The following ZNF362 variants were observed in gnomAD, a reference collection of about 807,000 sequenced individuals.
ZNF362 encodes the protein zinc finger protein 362, also known as rotund homolog.
Under a neutral mutation model 42.9 loss-of-function variants are expected in ZNF362, and 11 were observed. The observed-to-expected ratio is 0.26, with a 90% CI of 0.16 to 0.42. ZNF362 has a LOEUF of 0.42. Ranked by LOEUF, ZNF362 falls within the 20% of genes least tolerant of loss-of-function variation. The probability of loss-of-function intolerance (pLI) is 1.00; values close to 1 mark genes in which losing one functional copy is unlikely to be tolerated. For synonymous variants in ZNF362, 255 were observed against 257.3 expected (o/e 0.99, Z 0.09); for missense variants, 362 against 576.2 (o/e 0.63, Z 3.81).
At chr1:33,174,489 C>T in the ZNF362 span, among the ~76,000 whole-genome samples, 1 of 152,148 alleles carries the variant, frequency 6.6e-6, no homozygotes, top group South Asian at 2.1e-4. Context: ...CAGCTAGGCA[C>T]AGTTTCTGAG....
At chr1:33,234,271 A>T in the ZNF362 span, among the ~76,000 whole-genome samples, 1 of 152,190 alleles carries the variant, frequency 6.6e-6, no homozygotes. Context: ...CTCAACTTTG[A>T]AATGAGTAAA....
chr1:33,270,419 T>C (rs959189649), intron 1 of ZNF362, 68 bp from the exon 2 acceptor site: 14 of 599,380 alleles, frequency 2.3e-5, no homozygotes, highest in Non-Finnish European at 4.3e-5. Context: ...GATGTTGAAA[T>C]CAATGGTAGC....
chr1:33,144,436 T>C, the ZNF362 span, among the ~76,000 whole-genome samples: 32,895 of 152,100 alleles, frequency 0.22, 3,625 homozygotes, highest in South Asian at 0.3. Context: ...CTGCGCCCGG[T>C]GGCTTTAATG....
intron 2 of ZNF362, among the ~76,000 whole-genome samples, chr1:33,274,636 G>C (rs1252004116): frequency 6.6e-6 from 1 of 152,226 alleles, no homozygotes; most frequent in Non-Finnish European, 1.5e-5. Context: ...CTGGCCCTCA[G>C]GCTGGGAGTG....
At chr1:33,180,418 G>A in the ZNF362 span, among the ~76,000 whole-genome samples, 1 of 151,906 alleles carries the variant, frequency 6.6e-6, no homozygotes, top group South Asian at 2.1e-4. Context: ...CCTAACCCTC[G>A]GTACTCAAAC....
chr1:33,168,283 A>G, the ZNF362 span, among the ~76,000 whole-genome samples: 1 of 152,234 alleles, frequency 6.6e-6, no homozygotes, highest in East Asian at 1.9e-4. Context: ...AGCTGAAACC[A>G]GAAGAGTAGA....
intron 1 of ZNF362, among the ~76,000 whole-genome samples, chr1:33,257,849 G>A (rs941023755): frequency 6.6e-6 from 1 of 152,154 alleles, no homozygotes; most frequent in East Asian, 1.9e-4. Context: ...AGGACCCCCC[G>A]TGTAGGCTGG....
At chr1:33,256,468 G>GCCGCCA (rs1557784339), upstream of ZNF362, 3 of 169,718 alleles carry the variant, frequency 1.8e-5, no homozygotes, top group Non-Finnish European at 2.4e-5. Flanking sequence ...CGCCGCCGCC[G>GCCGCCA]CCGCCTCGGC....
chr1:33,295,702 T>A (rs1646118477), intron 8 of ZNF362, among the ~76,000 whole-genome samples: 1 of 152,090 alleles, frequency 6.6e-6, no homozygotes, highest in Non-Finnish European at 1.5e-5. Context: ...CACCCTCATC[T>A]CAGGAAAGGC....
At chr1:33,173,945 A>T in the ZNF362 span, among the ~76,000 whole-genome samples, 2 of 152,032 alleles carry the variant, frequency 1.3e-5, no homozygotes, top group African/African-American at 4.8e-5. Context: ...GCCTCAAATG[A>T]TCCTCCCACC....
chr1:33,216,981 G>A, the ZNF362 span, among the ~76,000 whole-genome samples: 4 of 151,900 alleles, frequency 2.6e-5, no homozygotes, highest in African/African-American at 7.3e-5. Context: ...CTAGGGTGGT[G>A]TAGAGAATGA....
the ZNF362 span, chr1:33,159,837 C>T: frequency 2.1e-5 from 34 of 1,613,570 alleles, no homozygotes; most frequent in Non-Finnish European, 2.5e-5. The surrounding 1 kb of genome is among the most constrained non-coding windows in gnomAD (Gnocchi z 4.2). Context: ...GCGTGCGGGC[C>T]GTGTCCGCCT....
At chr1:33,178,382 C>T in the ZNF362 span, among the ~76,000 whole-genome samples, 28,124 of 152,108 alleles carry the variant, frequency 0.18, 3,088 homozygotes, top group South Asian at 0.29. Context: ...TGAATCTCAC[C>T]CAGCAGCACA....
At chr1:33,159,727 C>T in the ZNF362 span, 299 of 1,611,678 alleles carry the variant, frequency 1.9e-4, no homozygotes, top group Non-Finnish European at 2.3e-4. This position sits in a 1 kb window ranked among gnomAD's most constrained non-coding sequence, Gnocchi z 4.2. Flanking sequence ...GAAGGTGTGC[C>T]GGTCGGTTTC....
chr1:33,218,928 GACATACACACACACACACACACACACAC>G, the ZNF362 span, among the ~76,000 whole-genome samples: 1 of 69,526 alleles, frequency 1.4e-5, no homozygotes, highest in African/African-American at 5.3e-5. Context: ...CCAGGAGCTG[GACATACACACACACACACACACACACAC>G]ACACACACAC....
In ZNF362 at chr1:33,280,519, CT is replaced by C. The variant is rs577851228; in HGVS notation, c.683+63del. ...GGGGCTGGGGCTTGAGCCAGGGCTGCTCCAGGAGCCCAGCAGCGGGGCTGAA... is the reference window on the plus strand; with the variant it reads ...GGGGCTGGGGCTTGAGCCAGGGCTGCCCAGGAGCCCAGCAGCGGGGCTGAA... On this transcript the variant is annotated intron_variant, in intron 5 of 8. Transcript: ENST00000539719. This position sits in a 1 kb window ranked among gnomAD's most constrained non-coding sequence, Gnocchi z 5.6. The C allele has an allele frequency of 3.3e-5, 49 of 1,479,614 alleles. No individual in the cohort carries two copies. The Admixed American group carries it at 7.3e-4, about 22-fold the overall frequency. 91.7% of individuals were successfully genotyped at this position (1,479,614 alleles called of 1,614,324 possible).
intron 2 of ZNF362, among the ~76,000 whole-genome samples, chr1:33,273,695 C>T (rs969764978): frequency 1.3e-5 from 2 of 152,162 alleles, no homozygotes; most frequent in Non-Finnish European, 2.9e-5. Flanking sequence ...ATGCATGTGG[C>T]CTGAGCAAGG....
At chr1:33,257,463 A>G (rs1446580091) in intron 1 of ZNF362, among the ~76,000 whole-genome samples, 2 of 147,948 alleles carry the variant, frequency 1.4e-5, no homozygotes, top group Non-Finnish European at 1.5e-5. Context: ...AAATGCCGCG[A>G]AAGGATCTCG....
At chr1:33,268,164 C>G (rs1645877410) in intron 1 of ZNF362, among the ~76,000 whole-genome samples, 2 of 152,166 alleles carry the variant, frequency 1.3e-5, no homozygotes, top group South Asian at 4.1e-4. Context: ...ACACATAGCC[C>G]CTTCTTGGGT....
Sources: gnomAD v4.1 joint callset for allele counts (sites outside exome capture counted in the v4.1 genomes callset) on GRCh38, gnomAD v4.1.1 for gene constraint, Gnocchi (gnomAD v3.1) non-coding constraint, MANE v1.5 for transcripts, NCBI Gene and HGNC (gene_info 2026-07-23, HGNC 2026-07-21) for gene names.